The following PRKAR1A variants were observed in gnomAD, a reference collection of about 807,000 sequenced individuals.
The protein encoded by PRKAR1A is cAMP-dependent protein kinase type I-alpha regulatory subunit.
Under a neutral mutation model 52.0 loss-of-function variants are expected in PRKAR1A, and 3 were observed. That is an observed-to-expected ratio of 0.06 (90% CI 0.03 to 0.15). The LOEUF (loss-of-function observed/expected upper bound fraction) is 0.15. PRKAR1A is among the 10% of genes least tolerant of loss of function. The pLI is 1.00. For synonymous variants in PRKAR1A, 188 were observed against 168.4 expected (o/e 1.12, Z -0.90); for missense variants, 240 against 477.4 (o/e 0.50, Z 4.63).
chr17:68,426,243 G>C, the PRKAR1A span: 4 of 935,352 alleles, frequency 4.3e-6, no homozygotes, highest in Non-Finnish European at 3.2e-6. Context: ...CCTGGCGGGT[G>C]GGGAGCGGGG....
chr17:68,427,273 G>A, the PRKAR1A span: 2 of 1,585,812 alleles, frequency 1.3e-6, no homozygotes, highest in South Asian at 1.1e-5. Flanking sequence ...ACAATCAAGA[G>A]GAGGTGAAAG....
At chr17:68,479,052 A>T in the PRKAR1A span, among the ~76,000 whole-genome samples, 4 of 152,206 alleles carry the variant, frequency 2.6e-5, no homozygotes, top group African/African-American at 9.6e-5. Flanking sequence ...CCATTTCTCC[A>T]TGTAGATTTA....
intron 2 of PRKAR1A, among the ~76,000 whole-genome samples, chr17:68,522,163 C>T (rs2085632333): frequency 6.6e-6 from 1 of 152,172 alleles, no homozygotes; most frequent in African/African-American, 2.4e-5. Context: ...TGGGATCAAA[C>T]TGGAATGTGA....
the PRKAR1A span, chr17:68,452,862 G>A: frequency 3.4e-5 from 52 of 1,549,738 alleles, no homozygotes; most frequent in East Asian, 1.1e-3. Context: ...CTAGAAGGAG[G>A]CTCTGGTTCT....
chr17:68,446,984 G>A, the PRKAR1A span, among the ~76,000 whole-genome samples: 4 of 152,226 alleles, frequency 2.6e-5, no homozygotes, highest in East Asian at 1.9e-4. Flanking sequence ...GGGTGGGCAC[G>A]ATGCTGCTGA....
At chr17:68,509,938 G>T (rs1396476333), upstream of PRKAR1A, among the ~76,000 whole-genome samples, 1 of 152,150 alleles carries the variant, frequency 6.6e-6, no homozygotes, top group Admixed American at 6.5e-5. Context: ...GGAAGCAGCT[G>T]TCACTCAAAG....
At chr17:68,527,723 A>C in intron 7 of PRKAR1A, 117 bp from the exon 8 acceptor site, 2 of 855,816 alleles carry the variant, frequency 2.3e-6, no homozygotes, top group Non-Finnish European at 1.9e-6. Flanking sequence ...TAAAAGCAAC[A>C]AGCTTTGACT....
chr17:68,459,077 T>C, the PRKAR1A span, among the ~76,000 whole-genome samples: 2 of 152,228 alleles, frequency 1.3e-5, no homozygotes, highest in African/African-American at 2.4e-5. Context: ...AACTTTATTA[T>C]TTTTTTCTCT....
the PRKAR1A span, chr17:68,430,114 A>C: frequency 1.2e-6 from 2 of 1,614,016 alleles, no homozygotes; most frequent in Admixed American, 3.3e-5. Flanking sequence ...GCAGCCATAA[A>C]CATCTTTCCC....
chr17:68,422,731 C>CAAAAAAAA, the PRKAR1A span: 1 of 66,418 alleles, frequency 1.5e-5, no homozygotes, highest in Admixed American at 2.1e-4. Context: ...TCTATCATCT[C>CAAAAAAAA]AAAAAAAAAA....
chr17:68,430,116 A>T, the PRKAR1A span: 3 of 1,614,052 alleles, frequency 1.9e-6, no homozygotes, highest in South Asian at 1.1e-5. Context: ...AGCCATAAAC[A>T]TCTTTCCCAT....
chr17:68,435,163 C>T, the PRKAR1A span, among the ~76,000 whole-genome samples: 3 of 150,680 alleles, frequency 2.0e-5, no homozygotes, highest in African/African-American at 7.3e-5. Flanking sequence ...GCCGAGATTG[C>T]GCCATTGCAC....
the PRKAR1A span, among the ~76,000 whole-genome samples, chr17:68,501,479 A>C: frequency 2.6e-5 from 4 of 152,094 alleles, no homozygotes; most frequent in African/African-American, 9.7e-5. Context: ...TTTTTGAGAC[A>C]CGGTCTTGCT....
chr17:68,441,204 G>C, the PRKAR1A span: 1 of 152,144 alleles, frequency 6.6e-6, no homozygotes, highest in Admixed American at 6.5e-5. Flanking sequence ...AATTAACTTC[G>C]AGCCCCTGTC....
intron 11 of PRKAR1A, chr17:68,540,577 T>C (rs1489431039): frequency 3.6e-6 from 2 of 553,522 alleles, no homozygotes; most frequent in Non-Finnish European, 3.4e-6. Flanking sequence ...GAAGTGAACA[T>C]ACAGCTTCCA....
chr17:68,522,679 A>G (rs755491611), intron 2 of PRKAR1A, 77 bp from the exon 3 acceptor site: 3 of 1,465,504 alleles, frequency 2.0e-6, no homozygotes, highest in Non-Finnish European at 2.8e-6. Flanking sequence ...TGACTGAGAT[A>G]GACTATCATT....
chr17:68,528,731 C>A, intron 8 of PRKAR1A, 139 bp from the exon 9 acceptor site: 2 of 1,137,294 alleles, frequency 1.8e-6, no homozygotes, highest in Non-Finnish European at 2.6e-6. Context: ...TAATTGAAGA[C>A]AGGTACCACT....
chr17:68,495,854 G>A, the PRKAR1A span, among the ~76,000 whole-genome samples: 1 of 150,090 alleles, frequency 6.7e-6, no homozygotes, highest in Non-Finnish European at 1.5e-5. Context: ...TGAAGGCTCT[G>A]GGGGAGAATC....
At chr17:68,543,521 CAGAAGGA>C in intron 11 of PRKAR1A, 1 of 957,164 alleles carries the variant, frequency 1.0e-6, no homozygotes, top group Non-Finnish European at 1.7e-6. Context: ...GATAGAAAGC[CAGAAGGA>C]AGAAATGCCA....
Sources: allele counts gnomAD v4.1 joint callset (sites outside exome capture counted in the v4.1 genomes callset), GRCh38; gene constraint gnomAD v4.1.1; transcripts MANE v1.5; gene names NCBI Gene and HGNC (gene_info 2026-07-23, HGNC 2026-07-21).